Variants in WWOX observed in about 807,000 individuals in gnomAD.
WWOX encodes WW domain-containing oxidoreductase.
Under a neutral mutation model 46.2 loss-of-function variants are expected in WWOX, and 69 were observed. The ratio of observed to expected loss-of-function variants is 1.49; its 90% CI spans 1.23 to 1.82. WWOX has a LOEUF of 1.82. Among genes scored for constraint, WWOX ranks in the 40% most tolerant of loss-of-function variants. WWOX has a pLI of 0.00. For synonymous variants in WWOX, 359 were observed against 202.6 expected (o/e 1.77, Z -6.56); for missense variants, 919 against 542.6 (o/e 1.69, Z -6.89).
Position 79,072,148 on chromosome 16 carries a change from T to C in WWOX, c.1057-139460T>C, listed in dbSNP as rs566712783. 4.9e-4 allele frequency among the ~76,000 whole-genome samples: 74 copies of C among 152,140 alleles called. 2 individuals are homozygous for C. Among genetic ancestry groups the C allele is most frequent in the Admixed American group, 4.8e-3 (74 of 15,278 alleles). ...AAAAGAAAAATAAATTAGTTAGGCA[T>C]GGTAGAGTGTGCCTGTAGTCCTAGC... On this transcript the variant is annotated intron_variant, in intron 8 of 8. Coordinates refer to ENST00000566780, the MANE Select transcript of WWOX (RefSeq NM_016373.4).
chr16:78,529,708 C>T (rs1439937251), intron 8 of WWOX, among the ~76,000 whole-genome samples: 1 of 151,972 alleles, frequency 6.6e-6, no homozygotes, highest in Admixed American at 6.6e-5. Context: ...ACCTCGTGAT[C>T]CACCCACCTC....
chr16:78,470,093 C>T (rs896313711), intron 8 of WWOX, among the ~76,000 whole-genome samples: 3 of 152,322 alleles, frequency 2.0e-5, no homozygotes, highest in East Asian at 1.9e-4. Context: ...TGCTCTCTTC[C>T]AAGTGGTAAC....
At chr16:78,147,008 G>T (rs2034221391) in intron 4 of WWOX, among the ~76,000 whole-genome samples, 1 of 152,176 alleles carries the variant, frequency 6.6e-6, no homozygotes, top group South Asian at 2.1e-4. Context: ...AATTGAGATG[G>T]TGTCAGCATT....
At chr16:78,443,061 G>A (rs528531253) in intron 8 of WWOX, among the ~76,000 whole-genome samples, 3 of 150,850 alleles carry the variant, frequency 2.0e-5, no homozygotes, top group East Asian at 2.0e-4. Context: ...GCGTGAACCC[G>A]GGAGGTGGAG....
chr16:78,502,593 G>A (rs1175423728), intron 8 of WWOX, among the ~76,000 whole-genome samples: 1 of 152,148 alleles, frequency 6.6e-6, no homozygotes, highest in Non-Finnish European at 1.5e-5. Context: ...ATTAGTTCAT[G>A]GATTTTGTGT....
chr16:78,914,142 A>G (rs903769389), intron 8 of WWOX, among the ~76,000 whole-genome samples: 6 of 152,192 alleles, frequency 3.9e-5, no homozygotes, highest in African/African-American at 1.4e-4. Context: ...ATCCTGTCCA[A>G]AGTCACTACT....
intron 8 of WWOX, among the ~76,000 whole-genome samples, chr16:79,109,093 T>C (rs1597383694): frequency 6.6e-6 from 1 of 151,938 alleles, no homozygotes. Flanking sequence ...CCTGGGTTCC[T>C]CTCCCAGGTA....
intron 8 of WWOX, among the ~76,000 whole-genome samples, chr16:78,674,827 TCA>T (rs2047553497): frequency 1.9e-5 from 2 of 105,340 alleles, no homozygotes; most frequent in African/African-American, 6.3e-5. Flanking sequence ...TTTTCATTTT[TCA>T]TTTTTTTTTT....
chr16:79,098,658 G>A (rs1263286470), intron 8 of WWOX, among the ~76,000 whole-genome samples: 1 of 152,208 alleles, frequency 6.6e-6, no homozygotes, highest in South Asian at 2.1e-4. Flanking sequence ...TTCCTAAAAT[G>A]TGCAGGGTGT....
intron 8 of WWOX, among the ~76,000 whole-genome samples, chr16:78,480,723 T>C (rs922919159): frequency 3.3e-5 from 5 of 152,340 alleles, no homozygotes; most frequent in East Asian, 3.9e-4. Flanking sequence ...ATGCAGTACA[T>C]TCCAAAGTCA....
At chr16:78,531,686 T>C (rs1402213884) in intron 8 of WWOX, among the ~76,000 whole-genome samples, 1 of 152,072 alleles carries the variant, frequency 6.6e-6, no homozygotes, top group East Asian at 1.9e-4. Context: ...CTACTAAAAA[T>C]ACAAAAATTT....
At chr16:78,811,215 G>A (rs1050179705) in intron 8 of WWOX, among the ~76,000 whole-genome samples, 1 of 152,130 alleles carries the variant, frequency 6.6e-6, no homozygotes, top group Non-Finnish European at 1.5e-5. Flanking sequence ...ACCTTATGTT[G>A]TATACACATG....
At chr16:78,905,701 A>G (rs1283546782) in intron 8 of WWOX, among the ~76,000 whole-genome samples, 1 of 152,202 alleles carries the variant, frequency 6.6e-6, no homozygotes, top group Non-Finnish European at 1.5e-5. Flanking sequence ...TCCATTAATA[A>G]AAGGATGGAC....
At chr16:78,633,771 C>T (rs571038085) in intron 8 of WWOX, among the ~76,000 whole-genome samples, 8 of 152,324 alleles carry the variant, frequency 5.3e-5, no homozygotes, top group Non-Finnish European at 1.0e-4. Flanking sequence ...AAGAGGACTC[C>T]AGGCTGTGGT....
intron 8 of WWOX, among the ~76,000 whole-genome samples, chr16:78,713,264 A>C (rs1237546124): frequency 6.8e-5 from 8 of 117,298 alleles, no homozygotes; most frequent in African/African-American, 1.1e-4. Flanking sequence ...ACAAAGTGAG[A>C]CTCTGTCTCA....
intron 5 of WWOX, among the ~76,000 whole-genome samples, chr16:78,292,919 G>C (rs2079882961): frequency 6.6e-6 from 1 of 152,192 alleles, no homozygotes; most frequent in Non-Finnish European, 1.5e-5. Context: ...TATTCTGCCA[G>C]AGTGTGAGGA....
intron 8 of WWOX, chr16:78,526,127 TG>T (rs2043460311): frequency 6.6e-6 from 1 of 152,168 alleles, no homozygotes; most frequent in Non-Finnish European, 1.5e-5. Flanking sequence ...AGGTCTTCAT[TG>T]TAGCGGAAGA....
intron 5 of WWOX, among the ~76,000 whole-genome samples, chr16:78,226,720 C>G (rs139785163): frequency 6.6e-5 from 10 of 151,988 alleles, no homozygotes; most frequent in Admixed American, 6.6e-4. Context: ...AGGTAATAGA[C>G]GCCGGCATGG....
intron 8 of WWOX, among the ~76,000 whole-genome samples, chr16:78,945,023 A>T (rs2045922501): frequency 6.6e-6 from 1 of 152,108 alleles, no homozygotes; most frequent in Admixed American, 6.6e-5. Flanking sequence ...TACAAAAAAT[A>T]TAGAACATTA....
Sources: allele counts gnomAD v4.1 joint callset (sites outside exome capture counted in the v4.1 genomes callset), GRCh38; gene constraint gnomAD v4.1.1; transcripts MANE v1.5; gene names NCBI Gene and HGNC (gene_info 2026-07-23, HGNC 2026-07-21).